KCNH1: variants seen among roughly 807,000 people sequenced by gnomAD.
KCNH1 encodes potassium voltage-gated channel subfamily H member 1, also known as voltage-gated delayed rectifier potassium channel KCNH1.
In KCNH1, 27 loss-of-function variants were observed where a neutral mutation model predicts 69.2. The observed-to-expected ratio is 0.39, with a 90% CI of 0.29 to 0.54. KCNH1 has a LOEUF of 0.54. Ranked by LOEUF, KCNH1 falls within the 20% of genes least tolerant of loss-of-function variation. KCNH1 has a pLI of 0.68. For synonymous variants in KCNH1, 456 were observed against 487.7 expected, an observed-to-expected ratio of 0.93 and a Z score of 0.86; for missense variants, 798 against 1,261.6, an observed-to-expected ratio of 0.63 and a Z score of 5.57.
chr1:210,795,888 C>G (rs1684300936), intron 9 of KCNH1, among the ~76,000 whole-genome samples: 1 of 151,434 alleles, frequency 6.6e-6, no homozygotes, highest in South Asian at 2.1e-4. Flanking sequence ...TTTGAGAGGC[C>G]AAGGCGGGCA....
chr1:210,815,846 C>A (rs1292095575), intron 7 of KCNH1, among the ~76,000 whole-genome samples: 1 of 152,200 alleles, frequency 6.6e-6, no homozygotes, highest in Non-Finnish European at 1.5e-5. Flanking sequence ...CCAGCTAAAC[C>A]ACCCAGTAGA....
chr1:210,753,945 C>T (rs983377001), intron 10 of KCNH1, among the ~76,000 whole-genome samples: 8 of 148,088 alleles, frequency 5.4e-5, no homozygotes, highest in East Asian at 2.0e-4. Flanking sequence ...GATGGAGTCT[C>T]GCTCCTTTGC....
At chr1:210,879,133 T>A (rs1461225709) in intron 7 of KCNH1, among the ~76,000 whole-genome samples, 1 of 151,976 alleles carries the variant, frequency 6.6e-6, no homozygotes, top group African/African-American at 2.4e-5. Context: ...ATTAATAACT[T>A]CCTAAAACAG....
At chr1:211,069,611 G>A (rs148524079) in intron 5 of KCNH1, among the ~76,000 whole-genome samples, 1 of 152,250 alleles carries the variant, frequency 6.6e-6, no homozygotes, top group African/African-American at 2.4e-5. Context: ...GGATTCATTA[G>A]TAAACTGAAC....
chr1:210,842,117 C>T (rs1402616099), intron 7 of KCNH1, among the ~76,000 whole-genome samples: 6 of 152,080 alleles, frequency 3.9e-5, no homozygotes, highest in Non-Finnish European at 8.8e-5. Context: ...TGGCTTTGTC[C>T]CCACCAGCTC....
chr1:210,806,806 CCAAA>C lies in KCNH1; in HGVS notation c.1463-2644_1463-2641del, dbSNP rs1204887234. ...CCAATATGGTGAAACCCCATCTCTA[CCAAA>C]AAAAAAAAAAAAAAAAAAAAAAAAA... On this transcript the variant is annotated intron_variant, in intron 7 of 10. Transcript: ENST00000271751. 9.3e-3 allele frequency among the ~76,000 whole-genome samples: 804 copies of C among 86,068 alleles called. 80 individuals carry two copies. Among genetic ancestry groups the C allele is most frequent in the South Asian group, 0.036 (78 of 2,170 alleles). The allele number at this position is 86,068 out of a possible 152,430, so 56.5% of individuals were successfully genotyped here. A position where few individuals can be genotyped will look rare whatever the true frequency, so the allele number is the denominator to read the frequency against.
chr1:210,799,703 T>C (rs1684393492), intron 8 of KCNH1, among the ~76,000 whole-genome samples: 1 of 152,218 alleles, frequency 6.6e-6, no homozygotes, highest in Non-Finnish European at 1.5e-5. Context: ...TGTTCAGTGA[T>C]GACGTTTTCC....
intron 5 of KCNH1, among the ~76,000 whole-genome samples, chr1:211,047,147 A>G (rs1178964133): frequency 6.6e-6 from 1 of 152,158 alleles, no homozygotes; most frequent in African/African-American, 2.4e-5. Flanking sequence ...ATACCTCTCA[A>G]TTCAGACAAG....
At chr1:210,985,515 T>C (rs1688812690) in intron 6 of KCNH1, among the ~76,000 whole-genome samples, 1 of 152,236 alleles carries the variant, frequency 6.6e-6, no homozygotes, top group South Asian at 2.1e-4. Context: ...AGAACATCTT[T>C]ATTTCTGCCT....
chr1:211,090,924 G>A (rs1185376361), intron 3 of KCNH1, among the ~76,000 whole-genome samples: 1 of 152,114 alleles, frequency 6.6e-6, no homozygotes, highest in Admixed American at 6.6e-5. Flanking sequence ...TCCAAGTGCT[G>A]ATCTCTTAAC....
chr1:210,939,989 T>C (rs985345416), intron 6 of KCNH1, among the ~76,000 whole-genome samples: 24 of 152,236 alleles, frequency 1.6e-4, no homozygotes, highest in Admixed American at 5.9e-4. Flanking sequence ...ATAGTCTTGT[T>C]TGTTGTCTTT....
intron 10 of KCNH1, among the ~76,000 whole-genome samples, chr1:210,708,713 G>T (rs1294122676): frequency 3.9e-5 from 6 of 152,130 alleles, no homozygotes; most frequent in Admixed American, 6.5e-5. Context: ...ACTGGATTGG[G>T]TTAGTTTCTG....
chr1:210,765,986 C>T (rs1226629877), intron 10 of KCNH1, among the ~76,000 whole-genome samples: 1 of 151,910 alleles, frequency 6.6e-6, no homozygotes, highest in Non-Finnish European at 1.5e-5. Flanking sequence ...TTGCTTGAAC[C>T]CGGGAGGTGG....
intron 5 of KCNH1, among the ~76,000 whole-genome samples, chr1:211,068,779 G>C (rs1416947432): frequency 1.3e-5 from 2 of 152,176 alleles, no homozygotes; most frequent in Non-Finnish European, 2.9e-5. Flanking sequence ...GGTGAATACA[G>C]AGAATCACAA....
chr1:211,013,897 GT>G (rs1375011662), intron 6 of KCNH1, among the ~76,000 whole-genome samples: 34 of 152,362 alleles, frequency 2.2e-4, no homozygotes, highest in African/African-American at 8.2e-4. Flanking sequence ...CTGTGTGAGT[GT>G]TTTGGAAAGT....
chr1:210,933,464 G>A (rs1454679228), intron 6 of KCNH1, among the ~76,000 whole-genome samples: 3 of 151,646 alleles, frequency 2.0e-5, no homozygotes, highest in Non-Finnish European at 1.5e-5. Context: ...GTATACATAT[G>A]TAACTAACCT....
At chr1:210,692,803 C>G (rs1681553823) in intron 10 of KCNH1, among the ~76,000 whole-genome samples, 1 of 152,212 alleles carries the variant, frequency 6.6e-6, no homozygotes, top group South Asian at 2.1e-4. Flanking sequence ...GGATCCTCCT[C>G]CAAACCTCCA....
intron 9 of KCNH1, among the ~76,000 whole-genome samples, chr1:210,793,874 T>C (rs1329788581): frequency 6.6e-6 from 1 of 152,230 alleles, no homozygotes; most frequent in East Asian, 1.9e-4. Context: ...TCTATGGCAA[T>C]GCGAATCATG....
intron 7 of KCNH1, among the ~76,000 whole-genome samples, chr1:210,862,492 T>C (rs1473613385): frequency 6.6e-6 from 1 of 151,956 alleles, no homozygotes; most frequent in Non-Finnish European, 1.5e-5. Flanking sequence ...CACGCTACCA[T>C]GCCAAGCTGA....
Sources: gnomAD v4.1 joint callset for allele counts (sites outside exome capture counted in the v4.1 genomes callset) on GRCh38, gnomAD v4.1.1 for gene constraint, MANE v1.5 for transcripts, NCBI Gene and HGNC (gene_info 2026-07-23, HGNC 2026-07-21) for gene names.